PLPP1: variants seen among roughly 807,000 people sequenced by gnomAD.
PLPP1 encodes the protein lipid phosphate phosphohydrolase 1a.
In PLPP1, 24 loss-of-function variants were observed where a neutral mutation model predicts 31.2. The ratio of observed to expected loss-of-function variants is 0.77; its 90% CI spans 0.56 to 1.08. PLPP1 has a LOEUF of 1.08. Among genes scored for constraint, PLPP1 ranks in the 50% least tolerant of loss-of-function variants. The pLI is 0.00. For missense variants in PLPP1, 319 were observed against 342.7 expected, an observed-to-expected ratio of 0.93 and a Z score of 0.55; for synonymous variants, 146 against 126.3, an observed-to-expected ratio of 1.16 and a Z score of -1.05.
At position 55,534,737 on chromosome 5, in the gene PLPP1, CG is replaced by C; in HGVS notation, c.-109del. 4 of 1,184,518 alleles carry C rather than the reference CG, an allele frequency of 3.4e-6. No homozygotes were observed. The highest frequency in any genetic ancestry group is 4.6e-6 in the Non-Finnish European group (4 of 866,856). 73.4% of individuals were successfully genotyped at this position (1,184,518 alleles called of 1,614,324 possible). A position where few individuals can be genotyped will look rare whatever the true frequency, so the allele number is the denominator to read the frequency against. ...CGGGGCTGGCGACGGCCCCGAGCTA[CG>C]GCCCCTCCCAGCCGGAGGAGGAGAG... On this transcript the variant is annotated 5_prime_UTR_variant, in exon 1 of 6. Coordinates refer to ENST00000307259, the MANE Select transcript of PLPP1 (RefSeq NM_003711.4).
At chr5:55,478,080 T>C (rs1186678613) in intron 1 of PLPP1, among the ~76,000 whole-genome samples, 3 of 151,964 alleles carry the variant, frequency 2.0e-5, no homozygotes, top group Non-Finnish European at 2.9e-5. Flanking sequence ...AGAGAAAACA[T>C]ATAGGCCCTA....
intron 1 of PLPP1, among the ~76,000 whole-genome samples, chr5:55,532,914 C>A (rs1256780888): frequency 6.6e-6 from 1 of 150,390 alleles, no homozygotes; most frequent in African/African-American, 2.5e-5. Context: ...CAAGATCGCG[C>A]CACTGCACTC....
At chr5:55,494,749 T>G (rs570019790) in intron 1 of PLPP1, among the ~76,000 whole-genome samples, 1 of 152,224 alleles carries the variant, frequency 6.6e-6, no homozygotes, top group Non-Finnish European at 1.5e-5. Context: ...TAACTTTTTA[T>G]GTGTGTGTCA....
chr5:55,458,687 G>T (rs1752075626), intron 3 of PLPP1, among the ~76,000 whole-genome samples: 1 of 151,270 alleles, frequency 6.6e-6, no homozygotes, highest in African/African-American at 2.4e-5. Flanking sequence ...CAGGAGTTCG[G>T]GACCACACTG....
At chr5:55,450,524 C>T (rs1425652733) in intron 3 of PLPP1, among the ~76,000 whole-genome samples, 4 of 152,108 alleles carry the variant, frequency 2.6e-5, no homozygotes, top group Non-Finnish European at 5.9e-5. Flanking sequence ...GAAAGAAATG[C>T]TTCCAAACTC....
intron 3 of PLPP1, among the ~76,000 whole-genome samples, chr5:55,463,520 G>A (rs1458937834): frequency 1.3e-5 from 2 of 151,876 alleles, no homozygotes; most frequent in African/African-American, 4.8e-5. Context: ...AATTAGCTGG[G>A]CATGGTGGCA....
chr5:55,488,366 T>G (rs1036845494), intron 1 of PLPP1, among the ~76,000 whole-genome samples: 2 of 151,338 alleles, frequency 1.3e-5, no homozygotes, highest in African/African-American at 4.9e-5. Flanking sequence ...TCAAACTAGA[T>G]TGGGTGTGGT....
chr5:55,533,375 T>C (rs1392347217), intron 1 of PLPP1, among the ~76,000 whole-genome samples: 1 of 147,310 alleles, frequency 6.8e-6, no homozygotes, highest in Non-Finnish European at 1.5e-5. Flanking sequence ...AGAGAGAGAC[T>C]GTATCCAAAA....
intron 4 of PLPP1, among the ~76,000 whole-genome samples, chr5:55,427,777 G>C (rs534899674): frequency 6.1e-5 from 9 of 148,492 alleles, no homozygotes; most frequent in Middle Eastern, 3.6e-3. Flanking sequence ...CACTTTTTTG[G>C]GGGGGGGGAT....
At chr5:55,443,370 C>G (rs1751680093) in intron 3 of PLPP1, among the ~76,000 whole-genome samples, 2 of 151,272 alleles carry the variant, frequency 1.3e-5, no homozygotes. Flanking sequence ...GTTTAGTCTA[C>G]GTAAAGGAAG....
chr5:55,426,438 T>C (rs1040211093), intron 4 of PLPP1, among the ~76,000 whole-genome samples: 2 of 152,190 alleles, frequency 1.3e-5, no homozygotes, highest in African/African-American at 4.8e-5. Flanking sequence ...GTTGCTCTGT[T>C]GCCCAGACTG....
At chr5:55,526,748 C>T (rs530544206) in intron 1 of PLPP1, among the ~76,000 whole-genome samples, 20 of 151,768 alleles carry the variant, frequency 1.3e-4, no homozygotes, top group South Asian at 4.2e-4. Context: ...CTGGCTAACA[C>T]GGTGAAACCC....
At position 55,517,675 on chromosome 5, in the gene PLPP1, T is replaced by C. The variant is rs1380191155; in HGVS notation, c.58+16897A>G. ...ATGTAAATCACTATCAATGTGATTC[T>C]AGACTTAATCCAACTGAAAATAAAA... On this transcript the variant is annotated intron_variant, in intron 1 of 5. Coordinates refer to ENST00000307259, the MANE Select transcript of PLPP1 (RefSeq NM_003711.4). 2.6e-5 allele frequency among the ~76,000 whole-genome samples: 4 copies of C among 152,226 alleles called. No individual in the cohort carries two copies. In the East Asian group the frequency reaches 7.7e-4, roughly 29 times the overall value.
chr5:55,494,669 A>T (rs1447446618), intron 1 of PLPP1, among the ~76,000 whole-genome samples: 1 of 152,148 alleles, frequency 6.6e-6, no homozygotes, highest in Non-Finnish European at 1.5e-5. Flanking sequence ...TTCTCCTTCA[A>T]GTCCAAGCCA....
intron 1 of PLPP1, among the ~76,000 whole-genome samples, chr5:55,479,712 G>C (rs1488844660): frequency 1.3e-5 from 2 of 152,268 alleles, no homozygotes; most frequent in East Asian, 3.9e-4. Flanking sequence ...GGGGTTATTA[G>C]AGCACCTTTT....
chr5:55,528,950 A>G (rs956390733), intron 1 of PLPP1, among the ~76,000 whole-genome samples: 1 of 152,150 alleles, frequency 6.6e-6, no homozygotes, highest in African/African-American at 2.4e-5. Context: ...TTTGACTAAA[A>G]AGTAGTGAAA....
intron 3 of PLPP1, among the ~76,000 whole-genome samples, chr5:55,442,665 T>A (rs11954259): frequency 0.86 from 129,013 of 149,396 alleles, 55,860 homozygotes; most frequent in South Asian, 0.92. Context: ...AAAAAAAAAA[T>A]TTGGTGTTTT....
chr5:55,474,420 C>T (rs539817826), intron 2 of PLPP1, among the ~76,000 whole-genome samples: 130 of 152,302 alleles, frequency 8.5e-4, no homozygotes, highest in African/African-American at 3.1e-3. Flanking sequence ...TGTTAAGTTA[C>T]AGAATTTTAG....
intron 1 of PLPP1, among the ~76,000 whole-genome samples, chr5:55,491,789 C>A (rs1752893680): frequency 7.2e-6 from 1 of 138,794 alleles, no homozygotes; most frequent in African/African-American, 2.7e-5. Flanking sequence ...ACCCAGGGGA[C>A]AGAGGTTGCA....
Sources: gnomAD v4.1 joint callset for allele counts (sites outside exome capture counted in the v4.1 genomes callset) on GRCh38, gnomAD v4.1.1 for gene constraint, MANE v1.5 for transcripts, NCBI Gene and HGNC (gene_info 2026-07-23, HGNC 2026-07-21) for gene names.